Variants in WDR27 observed in about 807,000 individuals in gnomAD.
The protein encoded by WDR27 is WD repeat-containing protein 27.
Under a neutral mutation model 114.4 loss-of-function variants are expected in WDR27, and 100 were observed. That is an observed-to-expected ratio of 0.87 (90% CI 0.74 to 1.03). The LOEUF (loss-of-function observed/expected upper bound fraction) is 1.03. Among genes scored for constraint, WDR27 ranks in the 50% least tolerant of loss-of-function variants. The pLI, the probability that WDR27 is intolerant of heterozygous loss-of-function variation, is 0.00. For synonymous variants in WDR27, 449 were observed against 423.1 expected (o/e 1.06, Z -0.75); for missense variants, 1,129 against 1,092.9 (o/e 1.03, Z -0.47).
chr6:169,679,454 C>A (rs1780908270), intron 2 of WDR27, among the ~76,000 whole-genome samples: 1 of 152,162 alleles, frequency 6.6e-6, no homozygotes, highest in African/African-American at 2.4e-5. Flanking sequence ...ATGTCCCCTG[C>A]AAATCTCATG....
chr6:169,630,564 C>T (rs1336811897), intron 21 of WDR27, among the ~76,000 whole-genome samples: 5 of 152,204 alleles, frequency 3.3e-5, no homozygotes, highest in African/African-American at 1.2e-4. Context: ...TCTCATTAAG[C>T]TGCACTTGAA....
chr6:169,597,255 A>C (rs963249236), intron 23 of WDR27, among the ~76,000 whole-genome samples: 2 of 152,180 alleles, frequency 1.3e-5, no homozygotes, highest in East Asian at 1.9e-4. Context: ...TATTTCCCTG[A>C]ATATATTAAT....
rs1415976241 is a variant in WDR27, at chr6:169,582,924, T to C, written c.2435A>G (p.Tyr812Cys). 1.2e-6 allele frequency: 2 copies of C among 1,613,854 alleles called. No individual in the cohort carries two copies. The highest frequency in any genetic ancestry group is 1.7e-5 in the Admixed American group (1 of 60,012). Residue 812 changes from tyrosine (Y) to cysteine (C), a missense_variant, in exon 24 of 26, where the codon TAT (tyrosine) becomes TGT (cysteine). Physicochemically the swap from Tyr to Cys is radical, Grantham distance 194. Transcript: ENST00000448612. ...CGAEDRHAYVYEMGSSTFSHR... is the reference protein window; with the variant it reads ...CGAEDRHAYVCEMGSSTFSHR... ...AGAAAACGTGCTTGAGCCCATTTCA[T>C]ACACGTAAGCCTACAAGACAAGATG...
chr6:169,664,364 C>G, intron 7 of WDR27, 78 bp from the exon 8 acceptor site: 2 of 1,603,108 alleles, frequency 1.2e-6, no homozygotes, highest in Non-Finnish European at 1.7e-6. Flanking sequence ...AGAGGTGGAG[C>G]AGGGAGGGCA....
intron 6 of WDR27, chr6:169,666,418 G>A (rs765671518): frequency 7.0e-4 from 692 of 985,290 alleles, no homozygotes; most frequent in South Asian, 1.1e-3. Context: ...GTCACTTACC[G>A]CATGGAAGAA....
chr6:169,695,343 T>C (rs1186009478), intron 1 of WDR27, among the ~76,000 whole-genome samples: 2 of 152,168 alleles, frequency 1.3e-5, no homozygotes, highest in Non-Finnish European at 2.9e-5. Flanking sequence ...CCCCACTTAC[T>C]GAGCTGGGGA....
chr6:169,517,441 A>C (rs1793818830), intron 25 of WDR27, among the ~76,000 whole-genome samples: 1 of 152,188 alleles, frequency 6.6e-6, no homozygotes, highest in Non-Finnish European at 1.5e-5. Flanking sequence ...CCACATCATC[A>C]TTTTGGAACT....
chr6:169,452,749 G>A (rs541335980), downstream of WDR27, among the ~76,000 whole-genome samples: 10 of 152,386 alleles, frequency 6.6e-5, no homozygotes, highest in South Asian at 2.1e-3. Flanking sequence ...AGAGGCCACG[G>A]CCAAATGTGG....
chr6:169,638,865 G>A (rs1406239191), intron 17 of WDR27, among the ~76,000 whole-genome samples: 1 of 152,254 alleles, frequency 6.6e-6, no homozygotes, highest in Non-Finnish European at 1.5e-5. Context: ...GAGACTCAGT[G>A]TGGCTTCTGA....
At chr6:169,426,560 C>T in the WDR27 span, 8 of 152,178 alleles carry the variant, frequency 5.3e-5, no homozygotes, top group African/African-American at 1.7e-4. Context: ...CTGGAAACTT[C>T]ATTTGTCCCT....
intron 25 of WDR27, among the ~76,000 whole-genome samples, chr6:169,477,023 A>C (rs1787273908): frequency 6.6e-6 from 1 of 152,198 alleles, no homozygotes; most frequent in Non-Finnish European, 1.5e-5. Context: ...TCTCCTTTTT[A>C]TTCCTACTTT....
the WDR27 span, among the ~76,000 whole-genome samples, chr6:169,451,057 C>T: frequency 6.6e-6 from 1 of 152,208 alleles, no homozygotes; most frequent in East Asian, 1.9e-4. Flanking sequence ...TCACAATTTG[C>T]TCACAAGGAA....
intron 25 of WDR27, among the ~76,000 whole-genome samples, chr6:169,480,516 G>A (rs888278285): frequency 6.6e-6 from 1 of 152,252 alleles, no homozygotes; most frequent in Non-Finnish European, 1.5e-5. Context: ...GAGTCGGGTG[G>A]GGTCTTGGAG....
chr6:169,513,320 G>A (rs1053073220), intron 25 of WDR27, among the ~76,000 whole-genome samples: 6 of 152,100 alleles, frequency 3.9e-5, no homozygotes, highest in Non-Finnish European at 5.9e-5. Context: ...GCTTGGCCCT[G>A]GAAATTGTAC....
chr6:169,552,900 G>C (rs1798340769), intron 25 of WDR27, among the ~76,000 whole-genome samples: 1 of 151,904 alleles, frequency 6.6e-6, no homozygotes, highest in East Asian at 1.9e-4. Flanking sequence ...TTCCGCAGCA[G>C]CAGATGTCAT....
chr6:169,638,367 C>G (rs957524043), intron 18 of WDR27, among the ~76,000 whole-genome samples, 172 bp downstream of exon 18: 6 of 141,698 alleles, frequency 4.2e-5, no homozygotes, highest in Admixed American at 7.2e-5. Context: ...TAATCAATAA[C>G]TGTTATTGCA....
At chr6:169,661,063 G>A (rs1226670774) in intron 9 of WDR27, among the ~76,000 whole-genome samples, 2 of 152,230 alleles carry the variant, frequency 1.3e-5, no homozygotes, top group African/African-American at 4.8e-5. Context: ...CAGGAGTGGA[G>A]AGCGTGGGCC....
chr6:169,463,769 G>A (rs1374957516), intron 25 of WDR27, among the ~76,000 whole-genome samples: 1 of 151,688 alleles, frequency 6.6e-6, no homozygotes. Flanking sequence ...ACTCTAAAAA[G>A]GAAATTATTA....
intron 25 of WDR27, among the ~76,000 whole-genome samples, chr6:169,502,081 G>A (rs1791339541): frequency 6.6e-6 from 1 of 152,176 alleles, no homozygotes; most frequent in African/African-American, 2.4e-5. Context: ...CCCCAGGCTA[G>A]GGCAGCCGCC....
Sources: allele counts gnomAD v4.1 joint callset (sites outside exome capture counted in the v4.1 genomes callset), GRCh38; gene constraint gnomAD v4.1.1; transcripts MANE v1.5; gene names NCBI Gene and HGNC (gene_info 2026-07-23, HGNC 2026-07-21).